The following TRPC4 variants were observed in gnomAD, a reference collection of about 807,000 sequenced individuals.
TRPC4 encodes the protein transient receptor potential cation channel subfamily C member 4, also known as short transient receptor potential channel 4.
Under a neutral mutation model 99.4 loss-of-function variants are expected in TRPC4, and 49 were observed. That is an observed-to-expected ratio of 0.49 (90% confidence interval 0.39 to 0.63). TRPC4 has a LOEUF of 0.63. Among genes scored for constraint, TRPC4 ranks in the 20% least tolerant of loss-of-function variants. The pLI, the probability that TRPC4 is intolerant of heterozygous loss-of-function variation, is 0.00. For synonymous variants in TRPC4, 454 were observed against 425.9 expected (o/e 1.07, Z -0.81); for missense variants, 898 against 1,152.9 (o/e 0.78, Z 3.20).
In TRPC4 at chr13:37,823,273, T is replaced by G. The variant is rs1382650132; in HGVS notation, c.-27-39913A>C. Among the ~76,000 whole-genome samples the G allele has an allele frequency of 1.2e-3, 178 of 151,396 alleles. 1 individual carries two copies. The highest frequency in any genetic ancestry group is 1.6e-3 in the Non-Finnish European group (109 of 67,800). On this transcript the variant is annotated intron_variant, in intron 1 of 10. Coordinates refer to ENST00000379705, the MANE Select transcript of TRPC4 (RefSeq NM_016179.4). ...TTTGCTGTGCAGAAGCTCTTTAGTT[T>G]AATTAGATCCCATTTGTCATTTTTG...
chr13:37,762,007 A>G (rs2139243496), intron 2 of TRPC4, among the ~76,000 whole-genome samples: 1 of 151,954 alleles, frequency 6.6e-6, no homozygotes, highest in Non-Finnish European at 1.5e-5. Context: ...TTTTAGGTAA[A>G]TACTGGAGAA....
chr13:37,816,429 A>G (rs1340863018), intron 1 of TRPC4, among the ~76,000 whole-genome samples: 1 of 151,942 alleles, frequency 6.6e-6, no homozygotes, highest in East Asian at 1.9e-4. Flanking sequence ...AAACAACAGG[A>G]TATACATTCT....
chr13:37,822,539 T>A (rs371166603), intron 1 of TRPC4, among the ~76,000 whole-genome samples: 2 of 151,312 alleles, frequency 1.3e-5, no homozygotes, highest in African/African-American at 2.4e-5. Flanking sequence ...TTTGTTCTTG[T>A]GATAGTTTAC....
At chr13:37,822,581 C>A (rs1247117312) in intron 1 of TRPC4, among the ~76,000 whole-genome samples, 3 of 151,634 alleles carry the variant, frequency 2.0e-5, no homozygotes, top group African/African-American at 7.3e-5. Context: ...TCATCCATGT[C>A]CCTACAAAGG....
chr13:37,848,458 A>C (rs949782755), intron 1 of TRPC4, among the ~76,000 whole-genome samples: 2 of 152,168 alleles, frequency 1.3e-5, no homozygotes, highest in African/African-American at 4.8e-5. Flanking sequence ...CTGGAGGGGA[A>C]GGAATTCCGA....
At chr13:37,733,562 T>G (rs1395886171) in intron 3 of TRPC4, among the ~76,000 whole-genome samples, 1 of 152,098 alleles carries the variant, frequency 6.6e-6, no homozygotes, top group African/African-American at 2.4e-5. Context: ...AATAGGAGTT[T>G]CAAAAAATAA....
chr13:37,828,880 G>A (rs1314831964), intron 1 of TRPC4, among the ~76,000 whole-genome samples: 2 of 152,102 alleles, frequency 1.3e-5, no homozygotes, highest in Non-Finnish European at 1.5e-5. Context: ...TACCTATCAG[G>A]TGCTGTGCTT....
chr13:37,716,782 T>C (rs1160339284), intron 3 of TRPC4, among the ~76,000 whole-genome samples: 1 of 152,188 alleles, frequency 6.6e-6, no homozygotes, highest in East Asian at 1.9e-4. Context: ...ACGAGCATGG[T>C]ATTTTTAAAC....
At chr13:37,826,903 G>C (rs978713827) in intron 1 of TRPC4, among the ~76,000 whole-genome samples, 2 of 152,086 alleles carry the variant, frequency 1.3e-5, no homozygotes, top group Admixed American at 1.3e-4. Flanking sequence ...ACCACTTTCA[G>C]GTACACCAAT....
intron 3 of TRPC4, among the ~76,000 whole-genome samples, chr13:37,743,002 T>A (rs1445630815): frequency 1.3e-5 from 2 of 152,164 alleles, no homozygotes; most frequent in African/African-American, 4.8e-5. Context: ...TCTTTGATAG[T>A]AAATGCAAGA....
At chr13:37,815,655 C>A (rs116614471) in intron 1 of TRPC4, among the ~76,000 whole-genome samples, 1 of 151,868 alleles carries the variant, frequency 6.6e-6, no homozygotes, top group African/African-American at 2.4e-5. Flanking sequence ...TAGATAACCA[C>A]GCAATAAAAG....
At chr13:37,657,855 T>C (rs548631298) in intron 6 of TRPC4, among the ~76,000 whole-genome samples, 3 of 152,304 alleles carry the variant, frequency 2.0e-5, no homozygotes, top group Non-Finnish European at 4.4e-5. Context: ...TGATTACTTA[T>C]AGATTATTTC....
intron 3 of TRPC4, among the ~76,000 whole-genome samples, chr13:37,739,259 CAT>C: frequency 6.6e-6 from 1 of 152,198 alleles, no homozygotes; most frequent in East Asian, 1.9e-4. Context: ...GCAGTTTAAA[CAT>C]AGAAGAAGCA....
intron 4 of TRPC4, among the ~76,000 whole-genome samples, chr13:37,678,819 C>A (rs376132273): frequency 6.6e-6 from 1 of 152,118 alleles, no homozygotes; most frequent in East Asian, 1.9e-4. Flanking sequence ...TAAATATGCA[C>A]AAAAATCCTC....
At chr13:37,657,640 T>G (rs1325065458) in intron 6 of TRPC4, among the ~76,000 whole-genome samples, 2 of 152,196 alleles carry the variant, frequency 1.3e-5, no homozygotes, top group Non-Finnish European at 2.9e-5. Flanking sequence ...GTGTAAAATG[T>G]TACCACATAA....
chr13:37,661,019 C>T (rs995135976), intron 6 of TRPC4, among the ~76,000 whole-genome samples: 1 of 151,766 alleles, frequency 6.6e-6, no homozygotes, highest in Non-Finnish European at 1.5e-5. Context: ...TATCTTGAAG[C>T]AAAAAATAAT....
chr13:37,783,258 C>G lies in TRPC4; in HGVS notation c.76G>C (p.Glu26Gln). Residue 26 changes from glutamate to glutamine, a missense_variant, in exon 2 of 11, where the codon GAA (glutamate) becomes CAA (glutamine). Coordinates refer to ENST00000379705, the MANE Select transcript of TRPC4 (RefSeq NM_016179.4). ...DRIPLRIVRA[E>Q]SELSPSEKAY... ...TTTTCTGATGGCGAGAGTTCTGATT[C>G]TGCTCTTACTATCCTTAGAGGGATG... The G allele has an allele frequency of 6.2e-7, 1 of 1,613,608 alleles. No homozygotes were observed. Among genetic ancestry groups the G allele is most frequent in the Non-Finnish European group, 8.5e-7 (1 of 1,179,748 alleles).
At chr13:37,857,856 A>T (rs1024405444) in intron 1 of TRPC4, among the ~76,000 whole-genome samples, 1 of 151,534 alleles carries the variant, frequency 6.6e-6, no homozygotes, top group Non-Finnish European at 1.5e-5. Flanking sequence ...CTGGTCTGGG[A>T]AAAAAGGTTT....
At chr13:37,783,643 T>C (rs1956901578) in intron 1 of TRPC4, among the ~76,000 whole-genome samples, 1 of 152,108 alleles carries the variant, frequency 6.6e-6, no homozygotes, top group African/African-American at 2.4e-5. Flanking sequence ...AATGCATTTA[T>C]AGTTTTGGAA....
Sources: allele counts gnomAD v4.1 joint callset (sites outside exome capture counted in the v4.1 genomes callset), GRCh38; gene constraint gnomAD v4.1.1; transcripts MANE v1.5; gene names NCBI Gene and HGNC (gene_info 2026-07-23, HGNC 2026-07-21).